The following SFI1 variants were observed in gnomAD, a reference collection of about 807,000 sequenced individuals.
SFI1 encodes protein SFI1 homolog.
In SFI1, 195 loss-of-function variants were observed where a neutral mutation model predicts 207.5. The ratio of observed to expected loss-of-function variants is 0.94; its 90% CI spans 0.84 to 1.06. SFI1 has a LOEUF of 1.06. Ranked by LOEUF, SFI1 falls within the 50% of genes least tolerant of loss-of-function variation. The pLI is 0.00. For synonymous variants in SFI1, 630 were observed against 598.9 expected (o/e 1.05, Z -0.76); for missense variants, 1,634 against 1,588.0 (o/e 1.03, Z -0.49).
At chr22:31,530,426 C>T (rs1353440350) in intron 3 of SFI1, among the ~76,000 whole-genome samples, 3 of 128,626 alleles carry the variant, frequency 2.3e-5, no homozygotes, top group African/African-American at 8.8e-5. Flanking sequence ...GGAGGCGGAG[C>T]TTGCAGTGAG....
chr22:31,608,470 C>A (rs762176482), intron 22 of SFI1, among the ~76,000 whole-genome samples: 1 of 152,128 alleles, frequency 6.6e-6, no homozygotes, highest in Admixed American at 6.6e-5. Flanking sequence ...CCAATTACAT[C>A]TGCAGTGAGC....
chr22:31,549,391 G>A (rs1417412295), intron 5 of SFI1, among the ~76,000 whole-genome samples: 1 of 149,032 alleles, frequency 6.7e-6, no homozygotes, highest in Admixed American at 6.8e-5. Flanking sequence ...GGTGTCACCC[G>A]GGCTGGAGTG....
chr22:31,556,835 G>C (rs1400441962), intron 6 of SFI1, 107 bp from the exon 7 acceptor site: 8 of 686,154 alleles, frequency 1.2e-5, no homozygotes, highest in Non-Finnish European at 1.9e-5. Flanking sequence ...GTCACTTGTA[G>C]GCTGGAGGGA....
At chr22:31,497,791 T>A (rs753632524) in intron 1 of SFI1, among the ~76,000 whole-genome samples, 1 of 152,218 alleles carries the variant, frequency 6.6e-6, no homozygotes, top group Non-Finnish European at 1.5e-5. Flanking sequence ...GTTTACTGAA[T>A]ATTTTAAGCC....
intron 32 of SFI1, 40 bp from the exon 33 acceptor site, chr22:31,618,274 G>C (rs746455459): frequency 7.5e-6 from 12 of 1,603,846 alleles, no homozygotes; most frequent in Non-Finnish European, 9.4e-6. Flanking sequence ...GCCCCGGGCT[G>C]TGCTCCCTCT....
At chr22:31,549,145 A>G (rs1453806558) in intron 5 of SFI1, among the ~76,000 whole-genome samples, 1 of 151,684 alleles carries the variant, frequency 6.6e-6, no homozygotes, top group Non-Finnish European at 1.5e-5. Flanking sequence ...AAAATTAGCC[A>G]GGAGTGGTGG....
At chr22:31,593,225 C>T (rs2066417831) in intron 15 of SFI1, among the ~76,000 whole-genome samples, 1 of 151,030 alleles carries the variant, frequency 6.6e-6, no homozygotes, top group South Asian at 2.1e-4. Flanking sequence ...CGGAGGGGCT[C>T]CTCACTTCTC....
intron 11 of SFI1, among the ~76,000 whole-genome samples, chr22:31,579,710 C>T (rs1010802093): frequency 6.6e-5 from 10 of 152,296 alleles, no homozygotes; most frequent in African/African-American, 2.2e-4. Flanking sequence ...CCTCAGCATC[C>T]TAAAGTGTTG....
chr22:31,502,665 C>T (rs1437856781), intron 1 of SFI1, among the ~76,000 whole-genome samples: 3 of 152,102 alleles, frequency 2.0e-5, no homozygotes, highest in Non-Finnish European at 4.4e-5. Context: ...TGAGCCACTG[C>T]GCCCGGCCAG....
Position 31,546,843 on chromosome 22 carries a change from AT to A in SFI1, c.339-8del, listed in dbSNP as rs148360145. 9,796 of 1,306,046 alleles carry A rather than the reference AT, an allele frequency of 7.5e-3. No homozygotes were observed. The highest frequency in any genetic ancestry group is 7.9e-3 in the Admixed American group (391 of 49,332). The allele number at this position is 1,306,046 out of a possible 1,614,324, so 80.9% of individuals were successfully genotyped here. A position where few individuals can be genotyped will look rare whatever the true frequency, so the allele number is the denominator to read the frequency against. ...TCCAACATCATCATATATATATATG[AT>A]TTTTTTTTTGCCGTAGATTTTACTA... is the stretch of plus-strand genomic sequence containing the variant. On this transcript the variant is annotated splice_polypyrimidine_tract_variant and intron_variant, in intron 4 of 32. Coordinates refer to ENST00000400288, the MANE Select transcript of SFI1 (RefSeq NM_001007467.3).
At chr22:31,567,347 G>A (rs2062425436) in intron 8 of SFI1, among the ~76,000 whole-genome samples, 1 of 152,180 alleles carries the variant, frequency 6.6e-6, no homozygotes, top group Non-Finnish European at 1.5e-5. Flanking sequence ...GGAAGGATGA[G>A]GTTATGAGGT....
At chr22:31,547,071 C>G (rs2060159892) in intron 5 of SFI1, 100 bp downstream of exon 5, 4 of 899,242 alleles carry the variant, frequency 4.4e-6, no homozygotes, top group Non-Finnish European at 6.8e-6. Flanking sequence ...CTTTGGGTCA[C>G]TTTTGGTTTT....
chr22:31,511,551 TCTGCCTCCCAGTTCAAGCAATTCTC>T (rs2055557350), intron 2 of SFI1, among the ~76,000 whole-genome samples: 1 of 143,194 alleles, frequency 7.0e-6, no homozygotes, highest in African/African-American at 2.5e-5. Context: ...CACTGCAACC[TCTGCCTCCCAGTTCAAGCAATTCTC>T]CTGCCTCAGC....
chr22:31,531,114 T>G lies in SFI1; in HGVS notation c.323T>G (p.Phe108Cys). The change falls in exon 4 of 33, where the codon TTT (phenylalanine) becomes TGT (cysteine). Residue 108 changes from phenylalanine (F) to cysteine (C), a missense_variant. Transcript: ENST00000400288. ...ATTCGAATGACTTTTGGAAGAGTAT[T>G]TCCCTCTAAAGCCAGGTAGTATTAG... ...LWIRMTFGRV[F>C]PSKARFYYEQ... 6.2e-7 allele frequency: 1 copy of G among 1,613,364 alleles called. No homozygotes were observed. The highest frequency in any genetic ancestry group is 8.5e-7 in the Non-Finnish European group (1 of 1,179,614).
intron 8 of SFI1, among the ~76,000 whole-genome samples, chr22:31,570,761 G>A (rs549763089): frequency 2.6e-5 from 4 of 152,040 alleles, no homozygotes; most frequent in Non-Finnish European, 5.9e-5. Flanking sequence ...CTACTAGGGT[G>A]GGTGAAAAAA....
At chr22:31,597,305 G>T (rs1344635030) in intron 15 of SFI1, among the ~76,000 whole-genome samples, 2 of 152,188 alleles carry the variant, frequency 1.3e-5, no homozygotes, top group African/African-American at 2.4e-5. Flanking sequence ...TGGAGACAGG[G>T]TATAGCCAGG....
intron 23 of SFI1, 98 bp from the exon 24 acceptor site, chr22:31,611,668 G>C (rs544414219): frequency 8.2e-7 from 1 of 1,214,458 alleles, no homozygotes; most frequent in African/African-American, 1.5e-5. Context: ...GCAATGGGAG[G>C]ACATTCAGCT....
At chr22:31,512,667 G>A (rs1236904763) in intron 2 of SFI1, among the ~76,000 whole-genome samples, 3 of 150,696 alleles carry the variant, frequency 2.0e-5, no homozygotes, top group African/African-American at 4.9e-5. Flanking sequence ...ACAGGCACCC[G>A]CCACCATACC....
chr22:31,516,532 A>T (rs897328564), intron 2 of SFI1, among the ~76,000 whole-genome samples: 1 of 151,642 alleles, frequency 6.6e-6, no homozygotes, highest in Non-Finnish European at 1.5e-5. Flanking sequence ...GAAAAAAAAA[A>T]GAAAGCCAGG....
Sources: allele counts gnomAD v4.1 joint callset (sites outside exome capture counted in the v4.1 genomes callset), GRCh38; gene constraint gnomAD v4.1.1; transcripts MANE v1.5; gene names NCBI Gene and HGNC (gene_info 2026-07-23, HGNC 2026-07-21).